The following ADCY2 variants were observed in gnomAD, a reference collection of about 807,000 sequenced individuals.
ADCY2 encodes the protein adenylate cyclase 2.
Under a neutral mutation model 125.2 loss-of-function variants are expected in ADCY2, and 31 were observed. The observed-to-expected ratio is 0.25, with a 90% CI of 0.19 to 0.33. The LOEUF is 0.33. Ranked by LOEUF, ADCY2 falls within the 10% of genes least tolerant of loss-of-function variation. ADCY2 has a pLI of 1.00. For synonymous variants in ADCY2, 512 were observed against 548.4 expected (o/e 0.93, Z 0.93); for missense variants, 904 against 1,418.2 (o/e 0.64, Z 5.82).
chr5:7,751,678 A>C (rs137910526), intron 15 of ADCY2, among the ~76,000 whole-genome samples: 1,679 of 152,278 alleles, frequency 0.011, 11 homozygotes, highest in Non-Finnish European at 0.015. Context: ...TTCTTTGTAC[A>C]GAAAGTATAG....
chr5:7,669,761 G>T (rs1739871161), intron 4 of ADCY2, among the ~76,000 whole-genome samples: 1 of 152,194 alleles, frequency 6.6e-6, no homozygotes, highest in Non-Finnish European at 1.5e-5. Flanking sequence ...AAAAGCCACT[G>T]CTGCCGGCAA....
In ADCY2 at chr5:7,504,956, C is replaced by T. The variant is rs1444924158; in HGVS notation, c.409-15782C>T. On this transcript the variant is annotated intron_variant, in intron 2 of 24. Transcript: ENST00000338316. ...ACAGTGGCACCATCACAGCTTACTG[C>T]AGCCTCAGCCTCCCAGGCACAAGTG... Among the ~76,000 whole-genome samples, 3 of 152,230 alleles carry T rather than the reference C, an allele frequency of 2.0e-5. No homozygotes were observed. In the East Asian group the frequency reaches 5.8e-4, roughly 29 times the overall value.
At chr5:7,786,078 A>C (rs574655485) in intron 19 of ADCY2, among the ~76,000 whole-genome samples, 1 of 152,338 alleles carries the variant, frequency 6.6e-6, no homozygotes, top group African/African-American at 2.4e-5. Context: ...TAATATTTAC[A>C]TCTAGAGGCC....
chr5:7,506,015 G>A (rs1352054700), intron 2 of ADCY2, among the ~76,000 whole-genome samples: 4 of 149,986 alleles, frequency 2.7e-5, no homozygotes, highest in Non-Finnish European at 5.9e-5. Context: ...CTTCTGAGAT[G>A]GTACAATTCA....
chr5:7,589,498 G>GAAAAAGAA (rs1170625766), intron 3 of ADCY2, among the ~76,000 whole-genome samples: 7 of 51,660 alleles, frequency 1.4e-4, no homozygotes, highest in Admixed American at 2.8e-4. Flanking sequence ...AAGAAAGAAA[G>GAAAAAGAA]AAAGAAAGAA....
intron 10 of ADCY2, among the ~76,000 whole-genome samples, chr5:7,712,436 C>T (rs902712593): frequency 1.3e-5 from 2 of 152,204 alleles, no homozygotes; most frequent in African/African-American, 4.8e-5. Context: ...GGGATGACTA[C>T]AGATTTTGTG....
At chr5:7,647,939 G>A (rs370924703) in intron 4 of ADCY2, among the ~76,000 whole-genome samples, 31 of 152,164 alleles carry the variant, frequency 2.0e-4, no homozygotes, top group East Asian at 1.9e-3. Flanking sequence ...TTCTTCCTCC[G>A]TCCGATTAAA....
intron 3 of ADCY2, among the ~76,000 whole-genome samples, chr5:7,611,829 A>G (rs951967610): frequency 3.3e-5 from 5 of 152,196 alleles, no homozygotes; most frequent in Non-Finnish European, 7.3e-5. Context: ...GTAATTTTTT[A>G]TAAATCACAA....
chr5:7,678,313 C>T (rs145324938), intron 4 of ADCY2, among the ~76,000 whole-genome samples: 272 of 152,176 alleles, frequency 1.8e-3, no homozygotes, highest in African/African-American at 6.2e-3. Flanking sequence ...TAGCGTTCAA[C>T]GATGTGATTA....
chr5:7,719,671 A>C (rs796977035), intron 12 of ADCY2, among the ~76,000 whole-genome samples: 21 of 152,266 alleles, frequency 1.4e-4, no homozygotes, highest in African/African-American at 5.1e-4. Context: ...GGTGGTAGGG[A>C]GCTCTCTGGT....
At chr5:7,541,911 AC>A (rs770506936) in intron 3 of ADCY2, among the ~76,000 whole-genome samples, 8 of 152,260 alleles carry the variant, frequency 5.3e-5, no homozygotes, top group Non-Finnish European at 8.8e-5. Flanking sequence ...ATGAAATGCA[AC>A]TATTTCCACG....
At chr5:7,418,081 T>C (rs546910816) in intron 2 of ADCY2, among the ~76,000 whole-genome samples, 33 of 152,340 alleles carry the variant, frequency 2.2e-4, no homozygotes, top group African/African-American at 7.9e-4. Flanking sequence ...GCTTGTATCA[T>C]AGTCATTTTC....
chr5:7,757,644 C>A, intron 16 of ADCY2, 58 bp downstream of exon 16: 1 of 1,560,998 alleles, frequency 6.4e-7, no homozygotes, highest in Non-Finnish European at 8.7e-7. Context: ...TGGCCGTGTT[C>A]AACATGGTAA....
chr5:7,566,411 G>A (rs954630024), intron 3 of ADCY2, among the ~76,000 whole-genome samples: 1 of 152,102 alleles, frequency 6.6e-6, no homozygotes, highest in Admixed American at 6.6e-5. Flanking sequence ...TGGGAGGATC[G>A]CTTGAGCCCA....
At chr5:7,452,854 A>G (rs1741524861) in intron 2 of ADCY2, among the ~76,000 whole-genome samples, 1 of 152,140 alleles carries the variant, frequency 6.6e-6, no homozygotes, top group Non-Finnish European at 1.5e-5. Context: ...ATGATTAATG[A>G]TGTTGAACAT....
intron 7 of ADCY2, among the ~76,000 whole-genome samples, chr5:7,704,835 G>A (rs1260237920): frequency 6.7e-6 from 1 of 148,380 alleles, no homozygotes; most frequent in Non-Finnish European, 1.5e-5. Context: ...CCGAGATCAC[G>A]CCACTGCACT....
chr5:7,550,779 C>T (rs763556523), intron 3 of ADCY2, among the ~76,000 whole-genome samples: 20 of 152,132 alleles, frequency 1.3e-4, no homozygotes, highest in African/African-American at 3.6e-4. Context: ...CTCACCTGTG[C>T]GGTTCCACTC....
At chr5:7,551,846 C>A (rs1295584057) in intron 3 of ADCY2, among the ~76,000 whole-genome samples, 1 of 152,108 alleles carries the variant, frequency 6.6e-6, no homozygotes, top group Non-Finnish European at 1.5e-5. Context: ...TTTGGAGAGA[C>A]CTACAGAGGT....
At chr5:7,719,259 T>C (rs529586155) in intron 12 of ADCY2, among the ~76,000 whole-genome samples, 1 of 152,348 alleles carries the variant, frequency 6.6e-6, no homozygotes, top group African/African-American at 2.4e-5. Context: ...TATTTCAAAG[T>C]AATGCTTAGT....
Sources: allele counts gnomAD v4.1 joint callset (sites outside exome capture counted in the v4.1 genomes callset), GRCh38; gene constraint gnomAD v4.1.1; transcripts MANE v1.5; gene names NCBI Gene and HGNC (gene_info 2026-07-23, HGNC 2026-07-21).